The following ERBB4 variants were observed in gnomAD, a reference collection of about 807,000 sequenced individuals.
ERBB4 encodes the protein erb-b2 receptor tyrosine kinase 4.
In ERBB4, 42 loss-of-function variants were observed where a neutral mutation model predicts 158.0. The observed-to-expected ratio is 0.27, with a 90% CI of 0.21 to 0.34. The LOEUF is 0.34. Ranked by LOEUF, ERBB4 falls within the 10% of genes least tolerant of loss-of-function variation. The probability of loss-of-function intolerance (pLI) is 1.00; values close to 1 mark genes in which losing one functional copy is unlikely to be tolerated. For missense variants in ERBB4, 1,333 were observed against 1,624.1 expected (o/e 0.82, Z 3.08); for synonymous variants, 583 against 558.7 (o/e 1.04, Z -0.61).
chr2:211,901,781 G>A (rs1282598295), intron 3 of ERBB4, among the ~76,000 whole-genome samples: 1 of 152,026 alleles, frequency 6.6e-6, no homozygotes, highest in South Asian at 2.1e-4. Context: ...TAAAACTCCA[G>A]TTAAAAATGG....
At chr2:211,883,505 C>T (rs189583256) in intron 3 of ERBB4, among the ~76,000 whole-genome samples, 24 of 152,132 alleles carry the variant, frequency 1.6e-4, no homozygotes, top group East Asian at 3.9e-4. Context: ...TGGCCAGTCA[C>T]GGTGGCTCAC....
intron 1 of ERBB4, among the ~76,000 whole-genome samples, chr2:212,172,637 T>C (rs2081552081): frequency 6.6e-6 from 1 of 152,130 alleles, no homozygotes; most frequent in African/African-American, 2.4e-5. Context: ...TCCAGGAATA[T>C]GGATGGAGCT....
chr2:212,049,939 C>T (rs746095894), intron 2 of ERBB4, among the ~76,000 whole-genome samples: 3 of 152,016 alleles, frequency 2.0e-5, no homozygotes, highest in South Asian at 2.1e-4. Flanking sequence ...ATAGAAAATA[C>T]GTGTCATGAT....
chr2:212,457,379 G>T (rs191266192), intron 1 of ERBB4, among the ~76,000 whole-genome samples: 3 of 152,060 alleles, frequency 2.0e-5, no homozygotes, highest in African/African-American at 7.2e-5. Flanking sequence ...CTATCTTTCA[G>T]ATATTTCCAA....
intron 1 of ERBB4, among the ~76,000 whole-genome samples, chr2:212,307,893 C>T (rs1462547548): frequency 2.0e-5 from 3 of 150,918 alleles, no homozygotes; most frequent in African/African-American, 7.3e-5. Flanking sequence ...CAAAGGTAGA[C>T]TAATGTTTTT....
intron 19 of ERBB4, among the ~76,000 whole-genome samples, chr2:211,592,462 A>G (rs1032205605): frequency 4.6e-5 from 7 of 152,196 alleles, no homozygotes; most frequent in Non-Finnish European, 1.0e-4. Flanking sequence ...TGGGCATTAC[A>G]GTGTAGGCAG....
intron 19 of ERBB4, among the ~76,000 whole-genome samples, chr2:211,576,833 A>C (rs1399860955): frequency 6.6e-6 from 1 of 152,160 alleles, no homozygotes; most frequent in Admixed American, 6.6e-5. Flanking sequence ...AGTAAACAAA[A>C]AGCTGTGTTC....
intron 1 of ERBB4, among the ~76,000 whole-genome samples, chr2:212,231,301 A>C (rs1182307081): frequency 8.5e-5 from 13 of 152,216 alleles, no homozygotes. Flanking sequence ...GGAAAAAAAA[A>C]ACAGGTTATA....
chr2:212,517,474 T>C (rs1403891394), intron 1 of ERBB4, among the ~76,000 whole-genome samples: 1 of 152,100 alleles, frequency 6.6e-6, no homozygotes, highest in African/African-American at 2.4e-5. Flanking sequence ...ACACCATTAT[T>C]ATCAATGATT....
Position 212,160,444 on chromosome 2 carries a change from T to C in ERBB4, c.83-35541A>G, listed in dbSNP as rs73071254. On this transcript the variant is annotated intron_variant, in intron 1 of 27. Transcript: ENST00000342788. ...GTGAACTCTATCCACAAGTCCTCCATAGTTAAATAAAACCTTTTTTTAAAA... is the reference window on the plus strand; with the variant it reads ...GTGAACTCTATCCACAAGTCCTCCACAGTTAAATAAAACCTTTTTTTAAAA... 3.5e-3 allele frequency among the ~76,000 whole-genome samples: 537 copies of C among 152,118 alleles called. 3 individuals carry two copies. The highest frequency in any genetic ancestry group is 0.012 in the African/African-American group (509 of 41,546).
chr2:211,863,603 G>T (rs925462051), intron 3 of ERBB4, among the ~76,000 whole-genome samples: 4 of 152,138 alleles, frequency 2.6e-5, no homozygotes, highest in East Asian at 3.9e-4. Context: ...TCACTGTGAG[G>T]ATCTGCAGCT....
chr2:211,799,104 T>A (rs1332567169), intron 3 of ERBB4, among the ~76,000 whole-genome samples: 1 of 152,108 alleles, frequency 6.6e-6, no homozygotes, highest in Non-Finnish European at 1.5e-5. Flanking sequence ...TCAAATAAAT[T>A]AGCATAAATT....
intron 2 of ERBB4, among the ~76,000 whole-genome samples, chr2:212,097,391 A>ACCTGAAC (rs1379578622): frequency 4.1e-4 from 62 of 152,336 alleles, no homozygotes; most frequent in African/African-American, 1.4e-3. Context: ...GGTAAAGGAT[A>ACCTGAAC]CATTGTGAGC....
chr2:212,253,575 T>C (rs1350255305), intron 1 of ERBB4, among the ~76,000 whole-genome samples: 1 of 152,172 alleles, frequency 6.6e-6, no homozygotes, highest in Admixed American at 6.6e-5. Context: ...GCCCATACTT[T>C]TGCATTTCTA....
Position 211,955,566 on chromosome 2 carries a change from A to T in ERBB4, c.235-7950T>A, listed in dbSNP as rs143030818. On this transcript the variant is annotated intron_variant, in intron 2 of 27. Transcript: ENST00000342788. The stretch of plus-strand genomic sequence containing the variant: ...AGTTGTCTCTGTACCTTGAGTTTCT[A>T]TACAGCAAACTGTGACCTAATTAGT... 2.8e-3 allele frequency among the ~76,000 whole-genome samples: 431 copies of T among 152,220 alleles called. 1 individual carries two copies. The highest frequency in any genetic ancestry group is 0.01 in the Middle Eastern group (3 of 294).
intron 3 of ERBB4, among the ~76,000 whole-genome samples, chr2:211,905,546 T>C (rs1261719952): frequency 6.6e-6 from 1 of 150,958 alleles, no homozygotes; most frequent in African/African-American, 2.4e-5. Flanking sequence ...GCCACTACTA[T>C]GTTCAATGCA....
At chr2:212,118,325 C>T (rs2079633736) in intron 2 of ERBB4, among the ~76,000 whole-genome samples, 1 of 152,148 alleles carries the variant, frequency 6.6e-6, no homozygotes, top group Non-Finnish European at 1.5e-5. Context: ...TCACTCCTGA[C>T]TTTATTGTAA....
rs115394100 is a variant in ERBB4, at chr2:212,487,748, A to G, written c.82+50701T>C. 1.5e-3 allele frequency among the ~76,000 whole-genome samples: 227 copies of G among 152,260 alleles called. 2 individuals are homozygous for G. Among genetic ancestry groups the G allele is most frequent in the African/African-American group, 5.2e-3 (218 of 41,578 alleles). ...TAATAGCATAAAAGAGGAGCACCAA[A>G]AAGTGCAGTCTAAAATATCAAGCAT... On this transcript the variant is annotated intron_variant, in intron 1 of 27. Transcript: ENST00000342788.
At chr2:211,591,074 T>G (rs1462183716) in intron 19 of ERBB4, among the ~76,000 whole-genome samples, 1 of 152,210 alleles carries the variant, frequency 6.6e-6, no homozygotes, top group Non-Finnish European at 1.5e-5. Context: ...AGCACCAAAA[T>G]GCTAAAACTG....
Sources: allele counts gnomAD v4.1 joint callset (sites outside exome capture counted in the v4.1 genomes callset), GRCh38; gene constraint gnomAD v4.1.1; transcripts MANE v1.5; gene names NCBI Gene and HGNC (gene_info 2026-07-23, HGNC 2026-07-21).